Variants in PAX3 observed in about 807,000 individuals in gnomAD.
PAX3 encodes the protein paired box 3, also known as paired box protein Pax-3.
A neutral mutation model predicts 51.6 loss-of-function variants in PAX3; 14 were observed. That is an observed-to-expected ratio of 0.27 (90% CI 0.18 to 0.42). The LOEUF is 0.42. Among genes scored for constraint, PAX3 ranks in the 10% least tolerant of loss-of-function variants. The probability of loss-of-function intolerance (pLI) is 1.00; values close to 1 mark genes in which losing one functional copy is unlikely to be tolerated. For synonymous variants in PAX3, 280 were observed against 253.4 expected (o/e 1.11, Z -1.00); for missense variants, 540 against 642.8 (o/e 0.84, Z 1.73).
rs1412410588 is a variant in PAX3 at position 222,201,165 on chromosome 2, A to C, written c.*243T>G. The stretch of plus-strand genomic sequence containing the variant: ...TGAAACCATTGCCTTAAAATGTTGC[A>C]TTTGTCTTTTATTGCTCCAGGTCTT... On this transcript the variant is annotated 3_prime_UTR_variant, in exon 9 of 9. Transcript: ENST00000392070. 6.2e-7 allele frequency: 1 copy of C among 1,613,788 alleles called. No individual in the cohort carries two copies.
intron 4 of PAX3, among the ~76,000 whole-genome samples, chr2:222,277,536 A>T (rs1363701476): frequency 6.6e-6 from 1 of 152,198 alleles, no homozygotes; most frequent in East Asian, 1.9e-4. Flanking sequence ...TCCAATAGGA[A>T]CACAAGATCA....
chr2:222,243,056 C>G (rs948073635), intron 4 of PAX3, among the ~76,000 whole-genome samples: 2 of 152,106 alleles, frequency 1.3e-5, no homozygotes, highest in African/African-American at 4.8e-5. Context: ...CTCCTGTCAC[C>G]CTTACTAGGA....
Position 222,201,407 on chromosome 2 carries a change from C to T in PAX3, c.*1G>A. The T allele has an allele frequency of 1.2e-6, 2 of 1,613,904 alleles. No homozygotes were observed. Among genetic ancestry groups the T allele is most frequent in the Non-Finnish European group, 1.7e-6 (2 of 1,179,990 alleles). ...GTTTTAGCTCCAAGTGGACAGTTCACTTACGCGATATCTGGCTTGAGATAA... is the reference window on the plus strand; with the variant it reads ...GTTTTAGCTCCAAGTGGACAGTTCATTTACGCGATATCTGGCTTGAGATAA... On this transcript the variant is annotated 3_prime_UTR_variant, in exon 9 of 9. Transcript: ENST00000392070.
chr2:222,260,647 A>G (rs1693829546), intron 4 of PAX3, among the ~76,000 whole-genome samples: 1 of 124,814 alleles, frequency 8.0e-6, no homozygotes, highest in African/African-American at 3.1e-5. Context: ...GTTGGAGTAC[A>G]GTGACATGAT....
rs1397515712 is a variant in PAX3 at position 222,220,245 on chromosome 2, G to C, written c.1068C>G (p.Leu356=). The stretch of plus-strand genomic sequence containing the variant: ...TGGAAAATCCATGCCTGGTGCTGGG[G>C]AGGCAGTAGGCAGAGCTGCTGTCTG... ...SNPDSSSAYC[L]PSTRHGFSSY... The change falls in exon 7 of 9, where the codon CTC becomes CTG. Residue 356 remains leucine, a synonymous_variant. Transcript: ENST00000392070. 6.2e-7 allele frequency: 1 copy of C among 1,613,978 alleles called. No homozygotes were observed. Among genetic ancestry groups the C allele is most frequent in the South Asian group, 1.1e-5 (1 of 91,078 alleles).
chr2:222,274,663 G>A (rs1694358853), intron 4 of PAX3, among the ~76,000 whole-genome samples: 2 of 151,646 alleles, frequency 1.3e-5, no homozygotes, highest in Admixed American at 6.6e-5. Context: ...TTTTTATATA[G>A]TTAAACAGAA....
intron 4 of PAX3, chr2:222,293,794 C>A (rs1404257581): frequency 6.2e-7 from 1 of 1,614,116 alleles, no homozygotes. Flanking sequence ...TCTGAAGATT[C>A]AAGTACCCTC....
At chr2:222,228,531 A>T (rs1399986644) in intron 5 of PAX3, among the ~76,000 whole-genome samples, 1 of 152,176 alleles carries the variant, frequency 6.6e-6, no homozygotes, top group Admixed American at 6.5e-5. Flanking sequence ...AATGAAAGAG[A>T]ACAACACCGA....
At chr2:222,278,528 CT>C (rs1428899462) in intron 4 of PAX3, among the ~76,000 whole-genome samples, 1 of 152,174 alleles carries the variant, frequency 6.6e-6, no homozygotes, top group African/African-American at 2.4e-5. Context: ...TGTCCTTCTG[CT>C]TTTTGCCAGG....
intron 4 of PAX3, among the ~76,000 whole-genome samples, chr2:222,244,552 GGCATAAGGGAATA>G (rs1405300864): frequency 2.0e-5 from 3 of 151,950 alleles, no homozygotes; most frequent in African/African-American, 7.3e-5. Flanking sequence ...AGTCCTACCA[GGCATAAGGGAATA>G]GCATGTGAAG....
chr2:222,226,596 T>C (rs1005006667), intron 5 of PAX3, among the ~76,000 whole-genome samples: 1 of 151,972 alleles, frequency 6.6e-6, no homozygotes, highest in African/African-American at 2.4e-5. Context: ...TTCTGAACTA[T>C]ACAGATCAGT....
At chr2:222,262,544 T>A (rs1693902468) in intron 4 of PAX3, 1 of 152,126 alleles carries the variant, frequency 6.6e-6, no homozygotes, top group African/African-American at 2.4e-5. Context: ...CTCTTTGATT[T>A]CTAAAACTCT....
At chr2:222,212,637 A>ACG (rs955400262) in intron 7 of PAX3, among the ~76,000 whole-genome samples, 5 of 151,794 alleles carry the variant, frequency 3.3e-5, no homozygotes, top group Non-Finnish European at 5.9e-5. Context: ...ACACACACAC[A>ACG]CACACACACA....
intron 7 of PAX3, among the ~76,000 whole-genome samples, chr2:222,207,746 A>G (rs1691567008): frequency 6.6e-6 from 1 of 152,150 alleles, no homozygotes; most frequent in Admixed American, 6.6e-5. Context: ...TTTCATAGCA[A>G]TATTCTTTAC....
intron 4 of PAX3, chr2:222,264,383 A>G (rs371852215): frequency 1.3e-5 from 2 of 152,232 alleles, no homozygotes; most frequent in Admixed American, 6.5e-5. Context: ...GATTGCCAGG[A>G]GACGGATGGG....
chr2:222,298,406 G>A, intron 1 of PAX3, 125 bp downstream of exon 1: 2 of 744,052 alleles, frequency 2.7e-6, no homozygotes, highest in Non-Finnish European at 4.7e-6. Context: ...TGCTTCTTGG[G>A]GTGTGGGGTG....
chr2:222,200,544 C>A lies in PAX3; in HGVS notation c.*864G>T, dbSNP rs984792555. On this transcript the variant is annotated 3_prime_UTR_variant, in exon 9 of 9. Coordinates refer to ENST00000392070, the MANE Select transcript of PAX3 (RefSeq NM_181458.4). ...TTTGCTTATATCGCCTTGGGCATTG[C>A]CAAAGCATCCATGAGGTACACAGTA... is the stretch of plus-strand genomic sequence containing the variant. The A allele has an allele frequency of 9.5e-5, 22 of 230,912 alleles. No individual in the cohort carries two copies. Among genetic ancestry groups the A allele is most frequent in the Non-Finnish European group, 1.7e-4 (20 of 116,498 alleles). 14.3% of individuals were successfully genotyped at this position (230,912 alleles called of 1,614,324 possible).
chr2:222,294,758 G>GCCCCCCCCCCCC (rs368069047), intron 3 of PAX3, among the ~76,000 whole-genome samples: 63 of 87,096 alleles, frequency 7.2e-4, no homozygotes, highest in African/African-American at 9.7e-4. Flanking sequence ...ACTTGTCCGC[G>GCCCCCCCCCCCC]CCCCCCCCCA....
chr2:222,216,358 C>T (rs1559260329), intron 7 of PAX3, among the ~76,000 whole-genome samples: 1 of 152,164 alleles, frequency 6.6e-6, no homozygotes, highest in Non-Finnish European at 1.5e-5. Flanking sequence ...TGCTGATTCC[C>T]TCAGAACAAG....
Sources: gnomAD v4.1 joint callset for allele counts (sites outside exome capture counted in the v4.1 genomes callset) on GRCh38, gnomAD v4.1.1 for gene constraint, MANE v1.5 for transcripts, NCBI Gene and HGNC (gene_info 2026-07-23, HGNC 2026-07-21) for gene names.